Variants in TBX1 observed in about 807,000 individuals in gnomAD.
TBX1 encodes T-box transcription factor TBX1.
In TBX1, 16 loss-of-function variants were observed where a neutral mutation model predicts 40.8. That is an observed-to-expected ratio of 0.39 (90% CI 0.27 to 0.60). TBX1 has a LOEUF of 0.60. Ranked by LOEUF, TBX1 falls within the 20% of genes least tolerant of loss-of-function variation. The pLI, the probability that TBX1 is intolerant of heterozygous loss-of-function variation, is 0.51. For missense variants in TBX1, 755 were observed against 728.5 expected (o/e 1.04, Z -0.42); for synonymous variants, 403 against 336.8 (o/e 1.20, Z -2.15).
Position 19,766,897 on chromosome 22 carries a change from C to A in TBX1, c.*30C>A. On this transcript the variant is annotated 3_prime_UTR_variant, in exon 7 of 7. Transcript: ENST00000649276. ...GGCCCTGTCGCGCTCCCGCCCCGGT[C>A]CTGCACAGCCCCGAAGTTCGCCGGG... The A allele has an allele frequency of 1.3e-6, 2 of 1,578,914 alleles. No individual in the cohort carries two copies. Among genetic ancestry groups the A allele is most frequent in the South Asian group, 1.1e-5 (1 of 88,608 alleles).
At chr22:19,775,515 G>A (rs1451252376) in intron 8 of TBX1, among the ~76,000 whole-genome samples, 2 of 152,238 alleles carry the variant, frequency 1.3e-5, no homozygotes, top group African/African-American at 4.8e-5. Context: ...TAAAGCGGTG[G>A]TTTTTTAACA....
intron 4 of TBX1, 37 bp downstream of exon 4, chr22:19,765,150 G>A (rs766572700): frequency 1.2e-5 from 20 of 1,613,688 alleles, no homozygotes; most frequent in Admixed American, 6.7e-5. Context: ...CGGATTCAAC[G>A]CCTCTGGAAA....
chr22:19,757,011 G>A (rs950284303), upstream of TBX1, among the ~76,000 whole-genome samples: 3 of 152,190 alleles, frequency 2.0e-5, no homozygotes, highest in East Asian at 1.9e-4. Context: ...GGTGGAGGCG[G>A]CGGCTCCGGC....
intron 1 of TBX1, among the ~76,000 whole-genome samples, chr22:19,762,776 TA>T (rs1936709453): frequency 6.6e-6 from 1 of 151,934 alleles, no homozygotes. Flanking sequence ...AAGACCCAGC[TA>T]AAAGGGCAGC....
rs1381767156 is a variant in TBX1 at position 19,766,452 on chromosome 22, C to T, written c.1100C>T (p.Pro367Leu). The T allele has an allele frequency of 4.5e-6, 6 of 1,333,286 alleles. No individual in the cohort carries two copies. The African/African-American group carries it at 6.2e-5, about 14-fold the overall frequency. The allele number at this position is 1,333,286 out of a possible 1,614,324, so 82.6% of individuals were successfully genotyped here. The change falls in exon 7 of 7, where the codon CCG (proline) becomes CTG (leucine). Residue 367 changes from proline to leucine, a missense_variant. By Grantham distance (98) the Pro-to-Leu change is moderately conservative (BLOSUM62 -3). Transcript: ENST00000649276. ...DAGGPAVLGDPAHPPQLLARV... is the reference protein window; with the variant it reads ...DAGGPAVLGDLAHPPQLLARV... ...GGCGGGCCAGCAGTGCTCGGGGACC[C>T]GGCGCATCCTCCGCAGCTGCTGGCC...
At chr22:19,776,385 G>A (rs1034108231) in intron 8 of TBX1, among the ~76,000 whole-genome samples, 4 of 152,194 alleles carry the variant, frequency 2.6e-5, no homozygotes, top group African/African-American at 9.7e-5. Context: ...AAGTGCCAAA[G>A]TGTCCATCCC....
chr22:19,765,213 G>A (rs896424006), intron 4 of TBX1, 100 bp downstream of exon 4: 2 of 1,562,624 alleles, frequency 1.3e-6, no homozygotes, highest in East Asian at 4.5e-5. Context: ...GCTTAGACCT[G>A]CAGGCTGTGG....
At position 19,764,238 on chromosome 22, in the gene TBX1, C is replaced by A. The variant is rs1936759742; in HGVS notation, c.623C>A (p.Ser208Ter). 1 of 1,613,280 alleles carries A rather than the reference C, an allele frequency of 6.2e-7. No individual in the cohort carries two copies. The highest frequency in any genetic ancestry group is 8.5e-7 in the Non-Finnish European group (1 of 1,179,952). ...GGCCGCGTGCACTACCACCCGGACT[C>A]GCCTGCCAAGGGCGCGCAGTGGATG... ...TPGRVHYHPD[S>*]PAKGAQWMKQ... Residue 208 changes from serine to a stop codon, truncating the protein, a stop_gained, in exon 3 of 7, where the codon TCG (serine) becomes TAG (stop). Transcript: ENST00000649276. LOFTEE classifies it high-confidence loss of function.
downstream of TBX1, among the ~76,000 whole-genome samples, chr22:19,770,784 G>A (rs1936977167): frequency 6.6e-6 from 1 of 152,198 alleles, no homozygotes; most frequent in African/African-American, 2.4e-5. Flanking sequence ...AGCCACAGTT[G>A]CCAAGGGCAG....
At chr22:19,774,910 C>G (rs1937042541) in intron 8 of TBX1, among the ~76,000 whole-genome samples, 1 of 150,366 alleles carries the variant, frequency 6.7e-6, no homozygotes, top group South Asian at 2.1e-4. Flanking sequence ...ATACACAATG[C>G]CACTGAATTG....
upstream of TBX1, chr22:19,759,587 G>A: frequency 6.2e-7 from 1 of 1,603,910 alleles, no homozygotes; most frequent in African/African-American, 1.3e-5. Flanking sequence ...CGCCCACCAG[G>A]GCTCAGGGTC....
At chr22:19,758,559 C>G (rs745662543), upstream of TBX1, among the ~76,000 whole-genome samples, 3 of 152,326 alleles carry the variant, frequency 2.0e-5, no homozygotes, top group Middle Eastern at 3.4e-3. Context: ...GAGCTTCTCC[C>G]GGCAGGCAGG....
chr22:19,762,621 G>A (rs1176441594), intron 1 of TBX1, among the ~76,000 whole-genome samples: 4 of 152,172 alleles, frequency 2.6e-5, no homozygotes, highest in African/African-American at 9.7e-5. Context: ...GGGGTTATGT[G>A]TCTTAAGGGG....
At chr22:19,763,614 G>A in intron 2 of TBX1, 1 of 518,932 alleles carries the variant, frequency 1.9e-6, no homozygotes, top group South Asian at 2.1e-5. Context: ...GGTCAGCCAA[G>A]TACTCAGCCC....
chr22:19,773,974 A>G (rs934137029), intron 8 of TBX1, among the ~76,000 whole-genome samples: 1 of 152,254 alleles, frequency 6.6e-6, no homozygotes, highest in Non-Finnish European at 1.5e-5. Flanking sequence ...TCTTCCCCAG[A>G]AAGAATTTGA....
At chr22:19,780,932 G>A (rs1187090864), downstream of TBX1, among the ~76,000 whole-genome samples, 15 of 151,708 alleles carry the variant, frequency 9.9e-5, no homozygotes, top group Non-Finnish European at 1.8e-4. Context: ...ACAGGTGCCC[G>A]CCACCACGCC....
At chr22:19,762,429 A>G (rs1345774863) in intron 1 of TBX1, among the ~76,000 whole-genome samples, 1 of 152,168 alleles carries the variant, frequency 6.6e-6, no homozygotes. Flanking sequence ...GTTGTCCTGA[A>G]GGGCCCCACG....
rs957878880 is a variant in TBX1 at position 19,766,302 on chromosome 22, C to T, written c.1037-87C>T. 23 of 1,215,722 alleles carry T rather than the reference C, an allele frequency of 1.9e-5. No individual in the cohort carries two copies. The Admixed American group carries it at 7.6e-4, about 40-fold the overall frequency. The allele number at this position is 1,215,722 out of a possible 1,614,324, so 75.3% of individuals were successfully genotyped here. On this transcript the variant is annotated intron_variant, in intron 6 of 6. Transcript: ENST00000649276. ...GGGGAACACCGAGGGCGGCCAAGAG[C>T]CTTCTCTCCGCCAGGGCCTCGCATG... is the stretch of plus-strand genomic sequence containing the variant.
chr22:19,760,906 CT>C lies in TBX1; in HGVS notation c.65del (p.Phe22SerfsTer6). ...QLSHFCDVAA[F>X]TASSLSSLGA... ...TCTCGCATTTCTGCGACGTTGCAGC[CT>C]TCACGGCCAGCAGCCTGAGCAGCCT... On this transcript the variant is annotated frameshift_variant, in exon 1 of 7. Transcript: ENST00000649276. LOFTEE classifies it high-confidence loss of function. 2 of 1,059,850 alleles carry C rather than the reference CT, an allele frequency of 1.9e-6. No individual in the cohort carries two copies. Among genetic ancestry groups the C allele is most frequent in the South Asian group, 2.5e-5 (1 of 40,164 alleles). The allele number at this position is 1,059,850 out of a possible 1,614,324, so 65.7% of individuals were successfully genotyped here.
Sources: allele counts gnomAD v4.1 joint callset (sites outside exome capture counted in the v4.1 genomes callset), GRCh38; gene constraint gnomAD v4.1.1; transcripts MANE v1.5; gene names NCBI Gene and HGNC (gene_info 2026-07-23, HGNC 2026-07-21).